The following ROBO2 variants were observed in gnomAD, a reference collection of about 807,000 sequenced individuals.
ROBO2 encodes roundabout guidance receptor 2, also known as roundabout homolog 2.
ROBO2 carries 53 observed loss-of-function variants against 160.8 expected under a neutral mutation model. The observed-to-expected ratio is 0.33, with a 90% CI of 0.26 to 0.41. The LOEUF (loss-of-function observed/expected upper bound fraction) is 0.41, where lower values mean the gene tolerates loss of function less well. Ranked by LOEUF, ROBO2 falls within the 10% of genes least tolerant of loss-of-function variation. The pLI is 1.00. For missense variants in ROBO2, 1,577 were observed against 1,722.4 expected, an observed-to-expected ratio of 0.92 and a Z score of 1.49; for synonymous variants, 664 against 611.7, an observed-to-expected ratio of 1.09 and a Z score of -1.26.
intron 2 of ROBO2, among the ~76,000 whole-genome samples, chr3:76,185,701 A>T (rs1193831809): frequency 6.6e-6 from 1 of 152,246 alleles, no homozygotes; most frequent in Middle Eastern, 3.4e-3. Flanking sequence ...GCACAATTTT[A>T]AAAATTGCCA....
intron 2 of ROBO2, among the ~76,000 whole-genome samples, chr3:76,641,731 T>G (rs1340103691): frequency 6.6e-6 from 1 of 152,148 alleles, no homozygotes; most frequent in Non-Finnish European, 1.5e-5. Context: ...TAGTATGGTA[T>G]GTAGGTTTTT....
At chr3:75,961,809 A>T (rs867161373) in intron 2 of ROBO2, among the ~76,000 whole-genome samples, 5 of 151,658 alleles carry the variant, frequency 3.3e-5, no homozygotes, top group Non-Finnish European at 5.9e-5. Flanking sequence ...AGAGAATCAA[A>T]CTATATTATT....
chr3:75,983,045 C>A (rs1372429571), intron 2 of ROBO2, among the ~76,000 whole-genome samples: 1 of 151,440 alleles, frequency 6.6e-6, no homozygotes, highest in Non-Finnish European at 1.5e-5. Context: ...TTGAGTCAAA[C>A]AAAATAATTT....
rs768799040 is a variant in ROBO2 at position 77,030,903 on chromosome 3, C to G, written c.110-67111C>G. 9.9e-5 allele frequency among the ~76,000 whole-genome samples: 15 copies of G among 152,136 alleles called. 1 individual carries two copies. The highest frequency in any genetic ancestry group is 2.1e-4 in the Non-Finnish European group (14 of 68,024). On this transcript the variant is annotated intron_variant, in intron 2 of 26. Coordinates refer to the ROBO2 transcript ENST00000487694. ...ATTCATTTGAAGGACCCTATTCAAC[C>G]CAGTACAGAAGCACACAATGGTCAG...
intron 2 of ROBO2, among the ~76,000 whole-genome samples, chr3:76,338,371 G>A (rs539523809): frequency 1.1e-4 from 17 of 152,160 alleles, no homozygotes; most frequent in African/African-American, 4.1e-4. Flanking sequence ...ACTTTGGTTA[G>A]TCATATAGCA....
intron 5 of ROBO2, among the ~76,000 whole-genome samples, chr3:77,522,016 T>C (rs2090647785): frequency 6.6e-6 from 1 of 151,256 alleles, no homozygotes; most frequent in Admixed American, 6.6e-5. Context: ...AGATCACATG[T>C]GAAAAAAATG....
At chr3:77,032,018 C>T (rs2063355803) in intron 2 of ROBO2, among the ~76,000 whole-genome samples, 1 of 152,086 alleles carries the variant, frequency 6.6e-6, no homozygotes, top group African/African-American at 2.4e-5. Context: ...ACTATTTCTC[C>T]AAGGTTTCTT....
chr3:77,618,071 T>C (rs140529867), intron 22 of ROBO2: 111 of 403,474 alleles, frequency 2.8e-4, no homozygotes, highest in African/African-American at 2.2e-3. Context: ...CAGGCTAAAG[T>C]GCTCTTGGCT....
At chr3:75,958,450 A>T (rs1411836558) in intron 2 of ROBO2, among the ~76,000 whole-genome samples, 1 of 151,812 alleles carries the variant, frequency 6.6e-6, no homozygotes, top group Non-Finnish European at 1.5e-5. Context: ...AAACTATACA[A>T]CTTTAAATTG....
At chr3:76,832,471 G>A (rs1270624832) in intron 2 of ROBO2, among the ~76,000 whole-genome samples, 1 of 152,066 alleles carries the variant, frequency 6.6e-6, no homozygotes, top group African/African-American at 2.4e-5. Context: ...GAATGACAAC[G>A]TTTAATGCAT....
intron 2 of ROBO2, among the ~76,000 whole-genome samples, chr3:76,046,492 AC>A (rs1347677374): frequency 3.3e-5 from 5 of 151,592 alleles, no homozygotes; most frequent in Non-Finnish European, 5.9e-5. Flanking sequence ...TACTAAAAAT[AC>A]AAAAAATTAG....
At chr3:76,879,164 TGTC>T in intron 2 of ROBO2, among the ~76,000 whole-genome samples, 1 of 152,306 alleles carries the variant, frequency 6.6e-6, no homozygotes, top group South Asian at 2.1e-4. Context: ...TGAGTTTTCA[TGTC>T]GTATTTAATT....
At chr3:76,753,879 T>C (rs1391476905) in intron 2 of ROBO2, among the ~76,000 whole-genome samples, 2 of 151,908 alleles carry the variant, frequency 1.3e-5, no homozygotes, top group African/African-American at 2.4e-5. Flanking sequence ...TTTAGCTTGG[T>C]GAACATTTTA....
At chr3:76,953,577 A>G (rs1022750059) in intron 2 of ROBO2, among the ~76,000 whole-genome samples, 2 of 152,214 alleles carry the variant, frequency 1.3e-5, no homozygotes, top group African/African-American at 4.8e-5. Flanking sequence ...AACTCAAGCT[A>G]GAATTCCCTG....
intron 2 of ROBO2, among the ~76,000 whole-genome samples, chr3:77,141,103 A>G (rs1442292463): frequency 6.6e-6 from 1 of 152,254 alleles, no homozygotes; most frequent in Non-Finnish European, 1.5e-5. Flanking sequence ...AAGAAAGTGT[A>G]TGAAGTATTT....
intron 2 of ROBO2, among the ~76,000 whole-genome samples, chr3:76,216,421 C>T (rs1465389769): frequency 6.6e-6 from 1 of 152,108 alleles, no homozygotes; most frequent in Non-Finnish European, 1.5e-5. Context: ...ACCCATCTCA[C>T]ATGCAGAGAC....
intron 2 of ROBO2, among the ~76,000 whole-genome samples, chr3:76,525,140 T>C (rs1254568933): frequency 6.6e-6 from 1 of 151,846 alleles, no homozygotes; most frequent in Non-Finnish European, 1.5e-5. Flanking sequence ...TTTTTTAAAA[T>C]ATCTAGCTCT....
chr3:76,733,759 T>C (rs753391310), intron 2 of ROBO2, among the ~76,000 whole-genome samples: 1 of 152,204 alleles, frequency 6.6e-6, no homozygotes, highest in Admixed American at 6.5e-5. Flanking sequence ...CATTTATGTT[T>C]GTCCACTGTC....
At chr3:77,166,626 T>C (rs2079106379) in intron 2 of ROBO2, among the ~76,000 whole-genome samples, 1 of 152,164 alleles carries the variant, frequency 6.6e-6, no homozygotes, top group Non-Finnish European at 1.5e-5. Context: ...TGGCGCCATC[T>C]TGGCTCACTG....
Sources: gnomAD v4.1 joint callset for allele counts (sites outside exome capture counted in the v4.1 genomes callset) on GRCh38, gnomAD v4.1.1 for gene constraint, MANE v1.5 for transcripts, NCBI Gene and HGNC (gene_info 2026-07-23, HGNC 2026-07-21) for gene names.